RIN2: variants seen among roughly 807,000 people sequenced by gnomAD.
RIN2 encodes the protein RAB5 interacting protein 2.
RIN2 carries 36 observed loss-of-function variants against 78.0 expected under a neutral mutation model. The observed-to-expected ratio is 0.46, with a 90% CI of 0.35 to 0.61. The LOEUF is 0.61. Ranked by LOEUF, RIN2 falls within the 20% of genes least tolerant of loss-of-function variation. The pLI is 0.00. For synonymous variants in RIN2, 466 were observed against 466.8 expected (o/e 1.00, Z 0.02); for missense variants, 1,087 against 1,159.7 (o/e 0.94, Z 0.91).
intron 3 of RIN2, chr20:19,934,532 C>T: frequency 1.0e-6 from 1 of 985,248 alleles, no homozygotes; most frequent in Non-Finnish European, 1.2e-6. Flanking sequence ...TCACTCAGTC[C>T]TTTCTCTTCC....
intron 3 of RIN2, among the ~76,000 whole-genome samples, chr20:19,910,411 C>T (rs1484546259): frequency 2.0e-5 from 3 of 151,236 alleles, no homozygotes; most frequent in African/African-American, 4.9e-5. Flanking sequence ...CACCTCAAGT[C>T]GTCTGTTCAC....
intron 1 of RIN2, among the ~76,000 whole-genome samples, chr20:19,796,883 T>C (rs1345603242): frequency 2.0e-5 from 3 of 152,204 alleles, no homozygotes; most frequent in Non-Finnish European, 2.9e-5. Context: ...ACTGAGATTG[T>C]TGCAAGGTAT....
Position 19,844,692 on chromosome 20 carries a change from CTCTTCCTCT to C in RIN2, c.-36-44868_-36-44860del, listed in dbSNP as rs1421073530. Among the ~76,000 whole-genome samples, 746 of 117,706 alleles carry C rather than the reference CTCTTCCTCT, an allele frequency of 6.3e-3. 29 individuals carry two copies. Among genetic ancestry groups the C allele is most frequent in the South Asian group, 0.035 (111 of 3,196 alleles). The allele number at this position is 117,706 out of a possible 152,430, so 77.2% of individuals were successfully genotyped here. On this transcript the variant is annotated intron_variant, in intron 2 of 12. Coordinates refer to ENST00000255006, the MANE Select transcript of RIN2 (RefSeq NM_018993.4). Reference sequence around the variant, plus strand: ...TTCCTTCTTCTTCTTCTTCCTCTTCCTCTTCCTCTTCTTCTTCTTCTTCTTCTTCTTCTT... The same window carrying C: ...TTCCTTCTTCTTCTTCTTCCTCTTCCTCTTCTTCTTCTTCTTCTTCTTCTT...
rs2033804608 is a variant in RIN2 at position 19,764,918 on chromosome 20, G to GGTTTTTTTT, written c.-163+6591_-163+6592insGTTTTTTTT. 1.3e-3 allele frequency among the ~76,000 whole-genome samples: 65 copies of GGTTTTTTTT among 50,402 alleles called. 1 individual carries two copies. The highest frequency in any genetic ancestry group is 1.8e-3 in the Non-Finnish European group (50 of 27,478). 33.1% of individuals were successfully genotyped at this position (50,402 alleles called of 152,430 possible). On this transcript the variant is annotated intron_variant, in intron 1 of 12. Transcript: ENST00000255006. ...GGGCAAGTCCCACTTCACTTTCTGC[G>GGTTTTTTTT]TTTTTTTTTTTTTTTTTTTTTTTTT...
chr20:19,925,929 C>A (rs1368792496), intron 3 of RIN2, among the ~76,000 whole-genome samples: 1 of 152,138 alleles, frequency 6.6e-6, no homozygotes, highest in Non-Finnish European at 1.5e-5. Flanking sequence ...CCTGTGATAG[C>A]AAAACTCTGG....
chr20:19,959,332 G>A (rs567742461), intron 5 of RIN2, among the ~76,000 whole-genome samples: 8 of 152,294 alleles, frequency 5.3e-5, no homozygotes, highest in African/African-American at 7.2e-5. Flanking sequence ...GGAAAAGGGA[G>A]TGTTACTTCC....
intron 1 of RIN2, among the ~76,000 whole-genome samples, chr20:19,759,749 C>T (rs1392484402): frequency 1.3e-5 from 2 of 152,178 alleles, no homozygotes; most frequent in East Asian, 3.9e-4. Flanking sequence ...CCTGTGGTCC[C>T]AGCTACTCGG....
intron 2 of RIN2, among the ~76,000 whole-genome samples, chr20:19,835,498 C>CA (rs1201707067): frequency 6.6e-6 from 1 of 152,226 alleles, no homozygotes; most frequent in Middle Eastern, 3.4e-3. Flanking sequence ...TAAATAAAGT[C>CA]TACTGAGTTA....
At chr20:19,995,532 A>G (rs1568724208) in intron 11 of RIN2, among the ~76,000 whole-genome samples, 1 of 152,188 alleles carries the variant, frequency 6.6e-6, no homozygotes, top group Non-Finnish European at 1.5e-5. Flanking sequence ...GACAAAAACT[A>G]TGAAGGAATA....
Position 19,799,325 on chromosome 20 carries a change from C to T in RIN2, c.-162-297C>T, listed in dbSNP as rs1256116135. Among the ~76,000 whole-genome samples, 17 of 152,188 alleles carry T rather than the reference C, an allele frequency of 1.1e-4. No individual in the cohort carries two copies. In the East Asian group the frequency reaches 3.3e-3, roughly 29 times the overall value. On this transcript the variant is annotated intron_variant, in intron 1 of 12. Transcript: ENST00000255006. ...GGGAAGGAAATGAATTGTCACTTAACTGGTGGGGAAGACAGGATGCTTGTT... is the reference window on the plus strand; with the variant it reads ...GGGAAGGAAATGAATTGTCACTTAATTGGTGGGGAAGACAGGATGCTTGTT...
rs541323014 is a variant in RIN2, at chr20:19,787,422, TAAAA to T, written c.-162-12179_-162-12176del. 3.7e-3 allele frequency among the ~76,000 whole-genome samples: 320 copies of T among 85,866 alleles called. 2 individuals are homozygous for T. The highest frequency in any genetic ancestry group is 0.014 in the African/African-American group (298 of 21,598). The allele number at this position is 85,866 out of a possible 152,430, so 56.3% of individuals were successfully genotyped here. ...TGGGCGACAGAGCAAGACTCCATCT[TAAAA>T]AAAAAAAAAAAAAAAAAAAAGAGAG... On this transcript the variant is annotated intron_variant, in intron 1 of 12. Transcript: ENST00000255006.
At chr20:19,817,389 G>T (rs1374978206) in intron 2 of RIN2, among the ~76,000 whole-genome samples, 1 of 152,102 alleles carries the variant, frequency 6.6e-6, no homozygotes, top group Non-Finnish European at 1.5e-5. Flanking sequence ...GCTCACTCAG[G>T]CCTCTTTTAT....
intron 2 of RIN2, among the ~76,000 whole-genome samples, chr20:19,831,007 G>A (rs1297990609): frequency 6.6e-6 from 1 of 152,130 alleles, no homozygotes; most frequent in African/African-American, 2.4e-5. Flanking sequence ...CTGATCCCAC[G>A]GGCGCTCCTT....
intron 1 of RIN2, among the ~76,000 whole-genome samples, chr20:19,777,003 A>G (rs2034334733): frequency 6.6e-6 from 1 of 152,102 alleles, no homozygotes; most frequent in South Asian, 2.1e-4. Flanking sequence ...ATCTCTTCAT[A>G]TATTTTACAG....
intron 2 of RIN2, among the ~76,000 whole-genome samples, chr20:19,852,968 T>C (rs975007332): frequency 1.3e-5 from 2 of 151,870 alleles, no homozygotes; most frequent in Non-Finnish European, 2.9e-5. Context: ...TGTGCCATGT[T>C]GGTGTGCTGC....
chr20:19,778,987 G>A (rs997613304), intron 1 of RIN2, among the ~76,000 whole-genome samples: 2 of 152,152 alleles, frequency 1.3e-5, no homozygotes, highest in Non-Finnish European at 2.9e-5. Context: ...ACATCACTAA[G>A]TCAAAAGGTA....
At chr20:19,776,049 C>A (rs1334359812) in intron 1 of RIN2, among the ~76,000 whole-genome samples, 1 of 152,172 alleles carries the variant, frequency 6.6e-6, no homozygotes, top group Non-Finnish European at 1.5e-5. Flanking sequence ...CAACCATTAA[C>A]TTCTTTTCAT....
chr20:19,852,665 G>A (rs972516493), intron 2 of RIN2, among the ~76,000 whole-genome samples: 15 of 152,104 alleles, frequency 9.9e-5, no homozygotes, highest in Non-Finnish European at 1.8e-4. Context: ...CTCTTTGTAT[G>A]CTCTTTTCTA....
intron 2 of RIN2, among the ~76,000 whole-genome samples, chr20:19,850,694 G>A (rs899092761): frequency 6.6e-6 from 1 of 152,220 alleles, no homozygotes; most frequent in African/African-American, 2.4e-5. Flanking sequence ...GCTGGGTGCA[G>A]TGGCTCATGC....
Sources: allele counts gnomAD v4.1 joint callset (sites outside exome capture counted in the v4.1 genomes callset), GRCh38; gene constraint gnomAD v4.1.1; transcripts MANE v1.5; gene names NCBI Gene and HGNC (gene_info 2026-07-23, HGNC 2026-07-21).